MMP16: variants seen among roughly 807,000 people sequenced by gnomAD.
MMP16 encodes the protein matrix metalloproteinase-16.
A neutral mutation model predicts 67.8 loss-of-function variants in MMP16; 12 were observed. The observed-to-expected ratio is 0.18, with a 90% CI of 0.11 to 0.29. The LOEUF (loss-of-function observed/expected upper bound fraction) is 0.29. MMP16 is among the 10% of genes least tolerant of loss of function. The probability of loss-of-function intolerance (pLI) is 1.00; values close to 1 mark genes in which losing one functional copy is unlikely to be tolerated. For synonymous variants in MMP16, 249 were observed against 255.9 expected, an observed-to-expected ratio of 0.97 and a Z score of 0.26; for missense variants, 475 against 765.7, an observed-to-expected ratio of 0.62 and a Z score of 4.48.
At position 88,038,742 on chromosome 8, in the gene MMP16, T is replaced by C. The variant is rs918535749; in HGVS notation, c.*2719A>G. Reference sequence around the variant, plus strand: ...CATGCTTAGCAGCAGTGACTAACTCTTTATAATATCAGCATCATCTAGAAT... The same window carrying C: ...CATGCTTAGCAGCAGTGACTAACTCCTTATAATATCAGCATCATCTAGAAT... On this transcript the variant is annotated 3_prime_UTR_variant, in exon 10 of 10. Transcript: ENST00000286614. This position sits in a 1 kb window ranked among gnomAD's most constrained non-coding sequence, Gnocchi z 4.1. 1 of 152,622 alleles carries C rather than the reference T, an allele frequency of 6.6e-6. No individual in the cohort carries two copies. Among genetic ancestry groups the C allele is most frequent in the Non-Finnish European group, 1.5e-5 (1 of 68,024 alleles). 9.5% of individuals were successfully genotyped at this position (152,622 alleles called of 1,614,324 possible).
Position 88,270,690 on chromosome 8 carries a change from T to C in MMP16, c.132+56385A>G, listed in dbSNP as rs74322348. 2.4e-3 allele frequency among the ~76,000 whole-genome samples: 362 copies of C among 152,304 alleles called. 1 individual carries two copies. Among genetic ancestry groups the C allele is most frequent in the African/African-American group, 8.4e-3 (350 of 41,578 alleles). On this transcript the variant is annotated intron_variant, in intron 1 of 9. Coordinates refer to ENST00000286614, the MANE Select transcript of MMP16 (RefSeq NM_005941.5). Reference sequence around the variant, plus strand: ...CACAAAATAAACATCCAAAGGCAACTCCTTTTCATTTAATTGTCAGGTCAA... The same window carrying C: ...CACAAAATAAACATCCAAAGGCAACCCCTTTTCATTTAATTGTCAGGTCAA...
At chr8:88,091,078 T>C (rs1808926308) in intron 6 of MMP16, among the ~76,000 whole-genome samples, 1 of 151,696 alleles carries the variant, frequency 6.6e-6, no homozygotes. Context: ...TTCTGAAGAG[T>C]GTTTTTAAGA....
intron 6 of MMP16, among the ~76,000 whole-genome samples, chr8:88,116,183 A>G (rs1361614044): frequency 6.6e-6 from 1 of 152,056 alleles, no homozygotes; most frequent in Non-Finnish European, 1.5e-5. Flanking sequence ...CTAAGCTCCC[A>G]AGCAAATCAT....
At chr8:88,315,460 C>A (rs867775142) in intron 1 of MMP16, among the ~76,000 whole-genome samples, 1 of 152,010 alleles carries the variant, frequency 6.6e-6, no homozygotes, top group Non-Finnish European at 1.5e-5. Flanking sequence ...AAACAGAGAC[C>A]CAAAAACTCA....
chr8:88,173,058 T>G (rs1043958406), intron 3 of MMP16, among the ~76,000 whole-genome samples: 1 of 152,200 alleles, frequency 6.6e-6, no homozygotes, highest in Non-Finnish European at 1.5e-5. Flanking sequence ...TTTTTGTTGT[T>G]GTTGTGGTTA....
chr8:88,047,840 A>G (rs1808218573), intron 8 of MMP16, among the ~76,000 whole-genome samples: 1 of 152,196 alleles, frequency 6.6e-6, no homozygotes, highest in African/African-American at 2.4e-5. Context: ...TGAGTAAAAG[A>G]GTTTGAAGGA....
intron 6 of MMP16, among the ~76,000 whole-genome samples, chr8:88,080,439 T>A (rs938822043): frequency 6.6e-6 from 1 of 152,102 alleles, no homozygotes; most frequent in Non-Finnish European, 1.5e-5. Context: ...ATGTATATAT[T>A]TATTTATTTA....
chr8:88,084,540 CATAG>C (rs888460501), intron 6 of MMP16, among the ~76,000 whole-genome samples: 2 of 151,860 alleles, frequency 1.3e-5, no homozygotes, highest in Non-Finnish European at 2.9e-5. Flanking sequence ...AAAAGCAACA[CATAG>C]ATAGTCATTG....
At chr8:88,185,837 ACTT>A (rs1432502607) in intron 3 of MMP16, among the ~76,000 whole-genome samples, 2 of 152,136 alleles carry the variant, frequency 1.3e-5, no homozygotes, top group Non-Finnish European at 2.9e-5. Context: ...TGACTGTTCA[ACTT>A]TTTGTGACTG....
intron 4 of MMP16, among the ~76,000 whole-genome samples, chr8:88,143,512 A>G (rs548350944): frequency 6.6e-5 from 10 of 152,232 alleles, no homozygotes; most frequent in Non-Finnish European, 1.3e-4. Context: ...TGTAAAGTAC[A>G]TCACCTCTAG....
At chr8:88,215,524 A>G (rs2129829806) in intron 1 of MMP16, among the ~76,000 whole-genome samples, 1 of 152,190 alleles carries the variant, frequency 6.6e-6, no homozygotes, top group South Asian at 2.1e-4. Flanking sequence ...CAGAGAAAAG[A>G]AGACAAAAGA....
At chr8:88,273,955 T>C (rs1810605624) in intron 1 of MMP16, among the ~76,000 whole-genome samples, 1 of 152,124 alleles carries the variant, frequency 6.6e-6, no homozygotes, top group Admixed American at 6.5e-5. Flanking sequence ...CTGTTATTTT[T>C]ATCATTTTCT....
chr8:88,250,672 A>AGAG (rs1192575242), intron 1 of MMP16, among the ~76,000 whole-genome samples: 23 of 152,108 alleles, frequency 1.5e-4, no homozygotes, highest in Admixed American at 1.5e-3. Context: ...TATTAAATAT[A>AGAG]TATAAGTTTC....
chr8:88,117,116 G>C (rs529435041), intron 5 of MMP16, among the ~76,000 whole-genome samples: 1 of 152,024 alleles, frequency 6.6e-6, no homozygotes, highest in Non-Finnish European at 1.5e-5. Flanking sequence ...CCTAGATTTC[G>C]ATAGATAATG....
At chr8:88,073,599 T>C (rs1808598073) in intron 7 of MMP16, among the ~76,000 whole-genome samples, 1 of 152,156 alleles carries the variant, frequency 6.6e-6, no homozygotes, top group Non-Finnish European at 1.5e-5. Flanking sequence ...TCTGTAAAGA[T>C]AAAGCCCAGG....
At chr8:88,061,107 C>T (rs1327333318) in intron 7 of MMP16, among the ~76,000 whole-genome samples, 1 of 149,340 alleles carries the variant, frequency 6.7e-6, no homozygotes, top group African/African-American at 2.5e-5. Context: ...ACCCCGAGCC[C>T]TTGTATAATC....
At chr8:88,112,685 C>G (rs10216508) in intron 6 of MMP16, among the ~76,000 whole-genome samples, 246 of 16,204 alleles carry the variant, frequency 0.015, no homozygotes, top group Non-Finnish European at 0.016. Context: ...GTGTGTGTGT[C>G]TGTGTGTATG....
intron 1 of MMP16, among the ~76,000 whole-genome samples, chr8:88,217,557 T>G (rs1043321351): frequency 6.6e-5 from 10 of 152,224 alleles, no homozygotes; most frequent in African/African-American, 2.4e-4. Context: ...AATGTGGAAC[T>G]GGCTTCATCA....
chr8:88,208,345 G>A (rs899030678), intron 1 of MMP16, among the ~76,000 whole-genome samples: 1 of 152,164 alleles, frequency 6.6e-6, no homozygotes, highest in African/African-American at 2.4e-5. Flanking sequence ...TTAGTTGTCT[G>A]GACAATGAGA....
Sources: gnomAD v4.1 joint callset for allele counts (sites outside exome capture counted in the v4.1 genomes callset) on GRCh38, gnomAD v4.1.1 for gene constraint, Gnocchi (gnomAD v3.1) non-coding constraint, MANE v1.5 for transcripts, NCBI Gene and HGNC (gene_info 2026-07-23, HGNC 2026-07-21) for gene names.